Variants in PCDHGB2 observed in about 807,000 individuals in gnomAD.
The protein encoded by PCDHGB2 is protocadherin gamma subfamily B, 2, also known as protocadherin gamma-B2.
A neutral mutation model predicts 59.3 loss-of-function variants in PCDHGB2; 55 were observed. The observed-to-expected ratio is 0.93, with a 90% CI of 0.75 to 1.16. The LOEUF (loss-of-function observed/expected upper bound fraction) is 1.16. Among genes scored for constraint, PCDHGB2 ranks in the 50% most tolerant of loss-of-function variants. The pLI, the probability that PCDHGB2 is intolerant of heterozygous loss-of-function variation, is 0.00. For synonymous variants in PCDHGB2, 516 were observed against 512.0 expected (o/e 1.01, Z -0.11); for missense variants, 1,228 against 1,198.5 (o/e 1.02, Z -0.36).
In PCDHGB2 at chr5:141,512,926, T is replaced by C. The variant is rs1438111849; in HGVS notation, c.*1753T>C. The C allele has an allele frequency of 6.6e-6, 1 of 152,216 alleles. No homozygotes were observed. The highest frequency in any genetic ancestry group is 1.5e-5 in the Non-Finnish European group (1 of 68,048). 9.4% of individuals were successfully genotyped at this position (152,216 alleles called of 1,614,324 possible). A position where few individuals can be genotyped will look rare whatever the true frequency, so the allele number is the denominator to read the frequency against. On this transcript the variant is annotated 3_prime_UTR_variant, in exon 4 of 4. Coordinates refer to ENST00000522605, the MANE Select transcript of PCDHGB2 (RefSeq NM_018923.3). ...CGCAAGTTTTATACTCTAATATTTA[T>C]ATGGCTTTTTTTCTTCGACAAAAAA...
chr5:141,479,928 C>T (rs1309777916), intron 1 of PCDHGB2, among the ~76,000 whole-genome samples: 1 of 152,222 alleles, frequency 6.6e-6, no homozygotes, highest in African/African-American at 2.4e-5. Flanking sequence ...CTCAGTGCAT[C>T]ATTGCTATCA....
rs757761874 is a variant in PCDHGB2 at position 141,375,430 on chromosome 5, G to A, written c.2421+12874G>A. 34 of 1,613,728 alleles carry A rather than the reference G, an allele frequency of 2.1e-5. No individual in the cohort carries two copies. The Admixed American group carries it at 5.2e-4, about 25-fold the overall frequency. ...ATGTGGCAGACACCAACGACAACCC[G>A]CCCACCTTCCCCCATTCATCCTACT... On this transcript the variant is annotated intron_variant, in intron 1 of 3. Transcript: ENST00000522605.
intron 1 of PCDHGB2, chr5:141,383,593 G>C (rs893791654): frequency 5.6e-6 from 9 of 1,613,726 alleles, no homozygotes; most frequent in Admixed American, 1.7e-5. Flanking sequence ...CCAGGTGACA[G>C]TGGTGGATGT....
chr5:141,392,812 C>T (rs2092600989), intron 1 of PCDHGB2: 2 of 1,583,404 alleles, frequency 1.3e-6, no homozygotes, highest in East Asian at 4.5e-5. Flanking sequence ...AGCAAAACAA[C>T]AATGGCCGCT....
chr5:141,443,235 C>G (rs1182428300), intron 1 of PCDHGB2, among the ~76,000 whole-genome samples: 2 of 151,642 alleles, frequency 1.3e-5, no homozygotes, highest in East Asian at 1.9e-4. Flanking sequence ...AATCTTAGCA[C>G]TTTGGGGCGC....
Position 141,432,377 on chromosome 5 carries a change from C to T in PCDHGB2, c.2422-62430C>T. 3.7e-6 allele frequency: 6 copies of T among 1,614,240 alleles called. No homozygotes were observed. Among genetic ancestry groups the T allele is most frequent in the Non-Finnish European group, 5.1e-6 (6 of 1,180,046 alleles). On this transcript the variant is annotated intron_variant, in intron 1 of 3. Transcript: ENST00000522605. This position sits in a 1 kb window ranked among gnomAD's most constrained non-coding sequence, Gnocchi z 6.0. ...AGTGATGGCGCGGGACAACGGGCAC[C>T]CGCCCCTCAGCAGCAACGTGTCGTT...
At chr5:141,383,373 G>A (rs759862188) in intron 1 of PCDHGB2, 2 of 1,614,030 alleles carry the variant, frequency 1.2e-6, no homozygotes, top group South Asian at 2.2e-5. Flanking sequence ...GCGAGGCTGG[G>A]GATCCAGATG....
In PCDHGB2 at chr5:141,361,809, T is replaced by G. The variant is rs755899945; in HGVS notation, c.1674T>G (p.Asn558Lys). The G allele has an allele frequency of 6.2e-7, 1 of 1,612,970 alleles. No homozygotes were observed. Among genetic ancestry groups the G allele is most frequent in the Non-Finnish European group, 8.5e-7 (1 of 1,179,742 alleles). The stretch of plus-strand genomic sequence containing the variant: ...TGTTAGTGGGCGACCTCAATGACAA[T>G]GCGCCACGGGTGCTGTACCCCGCGC... Reference protein sequence around the residue: ...LRVLVGDLNDNAPRVLYPALG... With the variant: ...LRVLVGDLNDKAPRVLYPALG... Residue 558 changes from asparagine to lysine, a missense_variant, in exon 1 of 4, where the codon AAT (asparagine) becomes AAG (lysine). Transcript: ENST00000522605.
At chr5:141,399,519 G>T (rs1467117930) in intron 1 of PCDHGB2, 14 of 1,613,918 alleles carry the variant, frequency 8.7e-6, no homozygotes, top group Non-Finnish European at 1.2e-5. Context: ...ACCCTCCTGG[G>T]GCCTCCATCG....
At chr5:141,366,608 A>G (rs1387759369) in intron 1 of PCDHGB2, 1 of 1,614,110 alleles carries the variant, frequency 6.2e-7, no homozygotes, top group Non-Finnish European at 8.5e-7. Context: ...GGTCTCCCTC[A>G]CCGCGGACTC....
rs368791778 is a variant in PCDHGB2, at chr5:141,409,216, T to C, written c.2421+46660T>C. The C allele has an allele frequency of 4.3e-6, 7 of 1,613,886 alleles. No homozygotes were observed. The African/African-American group carries it at 9.3e-5, about 22-fold the overall frequency. On this transcript the variant is annotated intron_variant, in intron 1 of 3. Coordinates refer to ENST00000522605, the MANE Select transcript of PCDHGB2 (RefSeq NM_018923.3). ...AGTGTAAAGTAATCATAGAAATCCT[T>C]GATGAAAACGACAACAGCCCAGAAA...
At chr5:141,475,871 A>G (rs568810142) in intron 1 of PCDHGB2, 17 of 513,152 alleles carry the variant, frequency 3.3e-5, no homozygotes, top group Middle Eastern at 5.1e-4. Context: ...TTCTTCGTGC[A>G]GTTATTGGCT....
Position 141,361,965 on chromosome 5 carries a change from G to C in PCDHGB2, c.1830G>C (p.Gln610His). The change falls in exon 1 of 4, where the codon CAG becomes CAC. Residue 610 changes from glutamine (Q) to histidine (H), a missense_variant. Coordinates refer to ENST00000522605, the MANE Select transcript of PCDHGB2 (RefSeq NM_018923.3). The stretch of plus-strand genomic sequence containing the variant: ...CTTGGCTGTCCTACCACGTGCTGCA[G>C]GCCAGCGAGCCCGGGCTCTTCAGCC... ...HNAWLSYHVL[Q>H]ASEPGLFSLG... 1 of 1,602,240 alleles carries C rather than the reference G, an allele frequency of 6.2e-7. No individual in the cohort carries two copies. Among genetic ancestry groups the C allele is most frequent in the Non-Finnish European group, 8.5e-7 (1 of 1,176,602 alleles).
intron 1 of PCDHGB2, chr5:141,422,556 G>A: frequency 6.2e-7 from 1 of 1,613,908 alleles, no homozygotes; most frequent in Non-Finnish European, 8.5e-7. Flanking sequence ...GGCTGAATGT[G>A]GCAGATGACA....
At chr5:141,375,106 T>C in intron 1 of PCDHGB2, 1 of 1,613,952 alleles carries the variant, frequency 6.2e-7, no homozygotes, top group East Asian at 2.2e-5. Context: ...TGGATGTCAA[T>C]GATAATGTAC....
intron 1 of PCDHGB2, chr5:141,423,751 G>GGC: frequency 2.9e-6 from 1 of 349,040 alleles, no homozygotes; most frequent in African/African-American, 6.5e-5. Context: ...AAAACTGTTT[G>GGC]GGGGGGGGGT....
Position 141,432,084 on chromosome 5 carries a change from TG to T in PCDHGB2, c.2422-62721del. 6.2e-7 allele frequency: 1 copy of T among 1,614,186 alleles called. No homozygotes were observed. Among genetic ancestry groups the T allele is most frequent in the Non-Finnish European group, 8.5e-7 (1 of 1,180,034 alleles). ...ACGGAAACTCATATCTCGCTGAACG[TG>T]GCAGACACCAACGACAACCCGCCGG... On this transcript the variant is annotated intron_variant, in intron 1 of 3. Transcript: ENST00000522605. The surrounding 1 kb of genome is among the most constrained non-coding windows in gnomAD (Gnocchi z 6.0).
chr5:141,463,814 C>T (rs1359662651), intron 1 of PCDHGB2, among the ~76,000 whole-genome samples: 7 of 152,188 alleles, frequency 4.6e-5, no homozygotes, highest in African/African-American at 1.7e-4. Flanking sequence ...GCTTTTATCA[C>T]ACATTTTGAT....
At chr5:141,403,913 G>A (rs567115998) in intron 1 of PCDHGB2, 5 of 1,613,844 alleles carry the variant, frequency 3.1e-6, no homozygotes, top group Non-Finnish European at 8.5e-7. Context: ...GGAAATACAA[G>A]CTGAAGATGG....
Sources: gnomAD v4.1 joint callset for allele counts (sites outside exome capture counted in the v4.1 genomes callset) on GRCh38, gnomAD v4.1.1 for gene constraint, Gnocchi (gnomAD v3.1) non-coding constraint, MANE v1.5 for transcripts, NCBI Gene and HGNC (gene_info 2026-07-23, HGNC 2026-07-21) for gene names.